ZDHHC11: variants seen among roughly 807,000 people sequenced by gnomAD.
ZDHHC11 encodes zDHHC palmitoyltransferase 11.
In ZDHHC11, 44 loss-of-function variants were observed where a neutral mutation model predicts 51.3. The ratio of observed to expected loss-of-function variants is 0.86; its 90% CI spans 0.67 to 1.10. ZDHHC11 has a LOEUF of 1.10. Among genes scored for constraint, ZDHHC11 ranks in the 50% least tolerant of loss-of-function variants. ZDHHC11 has a pLI of 0.00. For synonymous variants in ZDHHC11, 163 were observed against 222.0 expected (o/e 0.73, Z 2.36); for missense variants, 400 against 537.7 (o/e 0.74, Z 2.53).
At chr5:810,773 A>T (rs200959802) in intron 11 of ZDHHC11, among the ~76,000 whole-genome samples, 1 of 138,910 alleles carries the variant, frequency 7.2e-6, no homozygotes, top group Non-Finnish European at 1.6e-5. Context: ...TGGTGTTGGT[A>T]TAACACTTTT....
At position 850,520 on chromosome 5, in the gene ZDHHC11, A is replaced by G. The variant is rs1371175124; in HGVS notation, c.83T>C (p.Ile28Thr). Residue 28 changes from isoleucine (I) to threonine (T), a missense_variant, in exon 1 of 13, where the codon ATC becomes ACC. Ile to Thr is a moderately conservative substitution (Grantham distance 89). This residue lies in a region of ZDHHC11 where 119 missense variants were observed against 99.6 expected (regional missense o/e 1.20). Transcript: ENST00000283441. ...NNEKLVLPPR[I>T]SRVNGWSLPL... The stretch of plus-strand genomic sequence containing the variant: ...TAACGACCAGCCGTTCACTCTGGAG[A>G]TGCGGGGCGGCAAGACCAGCTTTTC... 6.2e-7 allele frequency: 1 copy of G among 1,613,552 alleles called. No individual in the cohort carries two copies. The highest frequency in any genetic ancestry group is 8.5e-7 in the Non-Finnish European group (1 of 1,180,008).
chr5:851,587 T>C (rs917408533), upstream of ZDHHC11, among the ~76,000 whole-genome samples: 5 of 152,256 alleles, frequency 3.3e-5, no homozygotes, highest in African/African-American at 7.2e-5. Flanking sequence ...TTAACAATTC[T>C]TCGTTCTTGC....
rs569732481 is a variant in ZDHHC11 at position 820,071 on chromosome 5, G to A, written c.1059-459C>T. Among the ~76,000 whole-genome samples, 105 of 151,510 alleles carry A rather than the reference G, an allele frequency of 6.9e-4. 4 individuals are homozygous for A. The highest frequency in any genetic ancestry group is 1.1e-3 in the Non-Finnish European group (74 of 67,704). ...TAATTTTCTACAACATATACATGTC[G>A]ATTTGGCAATCATTACACAACTTTA... On this transcript the variant is annotated intron_variant, in intron 9 of 12. Transcript: ENST00000283441.
At chr5:827,213 GA>G (rs1186571078) in intron 7 of ZDHHC11, among the ~76,000 whole-genome samples, 1 of 149,142 alleles carries the variant, frequency 6.7e-6, no homozygotes, top group Non-Finnish European at 1.5e-5. Context: ...AGTCCTACAA[GA>G]AATACTAAAA....
intron 4 of ZDHHC11, chr5:841,164 C>A (rs566711584): frequency 9.7e-7 from 1 of 1,030,468 alleles, no homozygotes; most frequent in Non-Finnish European, 1.2e-6. Context: ...GTGCCCACCC[C>A]TTCCTAAGTG....
chr5:833,046 T>TCA (rs200574755), intron 7 of ZDHHC11, among the ~76,000 whole-genome samples: 124,618 of 147,138 alleles, frequency 0.85, 51,319 homozygotes, highest in Middle Eastern at 0.93. Context: ...GAAAAAATGT[T>TCA]GTCGTAATTG....
chr5:849,641 C>G (rs991103582), intron 1 of ZDHHC11: 20 of 152,474 alleles, frequency 1.3e-4, no homozygotes, highest in Middle Eastern at 3.4e-3. Flanking sequence ...TCGAGGACCC[C>G]AGACTCACTC....
chr5:842,956 C>G (rs563144474), intron 4 of ZDHHC11, among the ~76,000 whole-genome samples: 12 of 152,370 alleles, frequency 7.9e-5, no homozygotes, highest in African/African-American at 2.6e-4. Context: ...TTTGGGCCCC[C>G]TGGGACATCC....
upstream of ZDHHC11, among the ~76,000 whole-genome samples, chr5:860,485 C>A (rs1048860277): frequency 6.6e-6 from 1 of 152,176 alleles, no homozygotes. The surrounding 1 kb of genome is among the most constrained non-coding windows in gnomAD (Gnocchi z 4.2). Flanking sequence ...CACCTGCACA[C>A]CCTCCTCCAC....
intron 1 of ZDHHC11, among the ~76,000 whole-genome samples, chr5:848,932 G>GCCAGCCCTGCACAC (rs1488743982): frequency 3.6e-5 from 5 of 139,168 alleles, no homozygotes; most frequent in East Asian, 2.0e-4. Context: ...GCCCTGCACA[G>GCCAGCCCTGCACAC]CCAGCCCTGC....
intron 1 of ZDHHC11, among the ~76,000 whole-genome samples, chr5:856,799 A>T (rs1748321396): frequency 6.6e-6 from 1 of 151,342 alleles, no homozygotes; most frequent in African/African-American, 2.4e-5. Flanking sequence ...AACCACACAC[A>T]GAGCACACAC....
intron 10 of ZDHHC11, among the ~76,000 whole-genome samples, chr5:815,869 A>G (rs1740717835): frequency 6.6e-6 from 1 of 151,540 alleles, no homozygotes; most frequent in South Asian, 2.1e-4. Context: ...TTGGACTCCC[A>G]AAGTGCTGGG....
At chr5:834,415 T>A (rs565196959) in intron 6 of ZDHHC11, among the ~76,000 whole-genome samples, 172 of 152,306 alleles carry the variant, frequency 1.1e-3, no homozygotes, top group African/African-American at 4.1e-3. Context: ...CCTCAAGCAA[T>A]CCTCTTGCTT....
rs150565045 is a variant in ZDHHC11, at chr5:801,871, A to G, written c.1182-707T>C. On this transcript the variant is annotated intron_variant, in intron 11 of 12. Transcript: ENST00000283441. ...TAAATCAAAACTGCGTATCCATCAC[A>G]TGCTATAGTCTCCCTTCTCTGATCC... Among the ~76,000 whole-genome samples, 53 of 151,594 alleles carry G rather than the reference A, an allele frequency of 3.5e-4. 1 individual carries two copies. The East Asian group carries it at 9.8e-3, about 28-fold the overall frequency.
intron 9 of ZDHHC11, chr5:821,470 T>C: frequency 5.6e-6 from 1 of 179,766 alleles, no homozygotes; most frequent in Non-Finnish European, 1.2e-5. Context: ...TACCCTTCTC[T>C]TCTCCACTAC....
At chr5:837,732 C>A (rs1457205858) in intron 5 of ZDHHC11, among the ~76,000 whole-genome samples, 1 of 151,864 alleles carries the variant, frequency 6.6e-6, no homozygotes, top group Non-Finnish European at 1.5e-5. Flanking sequence ...GACCCACGCC[C>A]CTGCCGCCTG....
intron 12 of ZDHHC11, among the ~76,000 whole-genome samples, chr5:798,302 G>A (rs1737884201): frequency 6.6e-6 from 1 of 150,872 alleles, no homozygotes; most frequent in Admixed American, 6.7e-5. Flanking sequence ...ATTTCTCTTT[G>A]GGTTCCTCTG....
At chr5:809,016 C>CACACACACACACACACAT in intron 11 of ZDHHC11, among the ~76,000 whole-genome samples, 1 of 147,514 alleles carries the variant, frequency 6.8e-6, no homozygotes, top group East Asian at 1.9e-4. Context: ...CACACACACG[C>CACACACACACACACACAT]ACACTATTTA....
chr5:855,781 C>T (rs1390076279), upstream of ZDHHC11, among the ~76,000 whole-genome samples: 1 of 148,988 alleles, frequency 6.7e-6, no homozygotes, highest in Non-Finnish European at 1.5e-5. Flanking sequence ...ACAGACACCA[C>T]AGAGGACAGT....
Sources: gnomAD v4.1 joint callset for allele counts (sites outside exome capture counted in the v4.1 genomes callset) on GRCh38, gnomAD v4.1.1 for gene constraint, gnomAD v4.1.1 regional missense constraint, Gnocchi (gnomAD v3.1) non-coding constraint, MANE v1.5 for transcripts, NCBI Gene and HGNC (gene_info 2026-07-23, HGNC 2026-07-21) for gene names.